Variants in C5orf24 observed in about 807,000 individuals in gnomAD.
C5orf24 encodes the protein UPF0461 protein C5orf24.
Under a neutral mutation model 9.8 loss-of-function variants are expected in C5orf24, and 4 were observed. The observed-to-expected ratio is 0.41, with a 90% CI of 0.20 to 0.93. The LOEUF (loss-of-function observed/expected upper bound fraction) is 0.93, where lower values mean the gene tolerates loss of function less well. C5orf24 is among the 40% of genes least tolerant of loss of function. The pLI, the probability that C5orf24 is intolerant of heterozygous loss-of-function variation, is 0.33. For missense variants in C5orf24, 170 were observed against 236.9 expected (o/e 0.72, Z 1.85); for synonymous variants, 73 against 81.3 (o/e 0.90, Z 0.55).
In C5orf24 at chr5:134,852,527, G is replaced by A. The variant is rs117348779; in HGVS notation, c.-3-2371G>A. Among the ~76,000 whole-genome samples the A allele has an allele frequency of 2.7e-3, 408 of 152,202 alleles. 10 individuals are homozygous for A. The East Asian group carries it at 0.063, about 24-fold the overall frequency. On this transcript the variant is annotated intron_variant, in intron 1 of 1. Coordinates refer to ENST00000394976, the MANE Select transcript of C5orf24 (RefSeq NM_001135586.1). ...CTAAAGTAAGTTTACAGTGGTTTTC[G>A]CTAACCTTATTACCTGTTTGCAGCC...
chr5:134,852,053 G>A (rs962066402), intron 1 of C5orf24, among the ~76,000 whole-genome samples: 4 of 152,220 alleles, frequency 2.6e-5, no homozygotes, highest in Non-Finnish European at 5.9e-5. Context: ...CAATTCTCCT[G>A]CCTCAGCCTC....
At chr5:134,839,549 T>G in the C5orf24 span, among the ~76,000 whole-genome samples, 1 of 152,190 alleles carries the variant, frequency 6.6e-6, no homozygotes, top group African/African-American at 2.4e-5. Flanking sequence ...TTTTTTCAGT[T>G]TGGCCTGCTT....
chr5:134,847,411 T>G (rs1756025970), intron 1 of C5orf24, among the ~76,000 whole-genome samples: 1 of 151,996 alleles, frequency 6.6e-6, no homozygotes, highest in African/African-American at 2.4e-5. Context: ...TTCTCCTGCC[T>G]CAGCCTCCCA....
At chr5:134,850,901 T>G (rs1756138079) in intron 1 of C5orf24, among the ~76,000 whole-genome samples, 1 of 150,340 alleles carries the variant, frequency 6.7e-6, no homozygotes, top group Non-Finnish European at 1.5e-5. Context: ...CTGAGTTCTC[T>G]GATAGATTAT....
intron 1 of C5orf24, among the ~76,000 whole-genome samples, chr5:134,848,248 T>C (rs1756050576): frequency 6.6e-6 from 1 of 151,974 alleles, no homozygotes; most frequent in Non-Finnish European, 1.5e-5. Flanking sequence ...GAGGCGTAGC[T>C]TGCAGTGAGC....
rs914829158 is a variant in C5orf24 at position 134,856,630 on chromosome 5, G to A, written c.*1163G>A. 7 of 744,088 alleles carry A rather than the reference G, an allele frequency of 9.4e-6. No individual in the cohort carries two copies. The East Asian group carries it at 9.3e-4, about 98-fold the overall frequency. The allele number at this position is 744,088 out of a possible 1,614,324, so 46.1% of individuals were successfully genotyped here. Reference sequence around the variant, plus strand: ...CACTCCAGCCTGGGTGACAGAGTAAGACTCCGTCTCAAATAAATAAATAAA... The same window carrying A: ...CACTCCAGCCTGGGTGACAGAGTAAAACTCCGTCTCAAATAAATAAATAAA... On this transcript the variant is annotated 3_prime_UTR_variant, in exon 2 of 2. Transcript: ENST00000394976.
intron 1 of C5orf24, among the ~76,000 whole-genome samples, chr5:134,850,482 T>G (rs576720727): frequency 5.8e-4 from 87 of 149,450 alleles, no homozygotes; most frequent in African/African-American, 2.0e-3. Context: ...AAGTGTTTTT[T>G]TTTTTTTGAG....
Position 134,857,338 on chromosome 5 carries a change from T to C in C5orf24, c.*1871T>C. 1 of 1,546,228 alleles carries C rather than the reference T, an allele frequency of 6.5e-7. No homozygotes were observed. Among genetic ancestry groups the C allele is most frequent in the Non-Finnish European group, 8.7e-7 (1 of 1,143,992 alleles). ...CTCTGATTGCAAATGGATGTCATGT[T>C]TCATACCTTTTTTATCAGGAAAAAA... is the stretch of plus-strand genomic sequence containing the variant. On this transcript the variant is annotated 3_prime_UTR_variant, in exon 2 of 2. Coordinates refer to ENST00000394976, the MANE Select transcript of C5orf24 (RefSeq NM_001135586.1).
At chr5:134,836,891 G>C in the C5orf24 span, among the ~76,000 whole-genome samples, 1 of 152,032 alleles carries the variant, frequency 6.6e-6, no homozygotes, top group African/African-American at 2.4e-5. Flanking sequence ...TTACTGTATT[G>C]GTATAACAGT....
At chr5:134,839,212 A>C in the C5orf24 span, among the ~76,000 whole-genome samples, 1 of 151,982 alleles carries the variant, frequency 6.6e-6, no homozygotes, top group African/African-American at 2.4e-5. Context: ...AAAAAAAAAA[A>C]AAACCCAATC....
rs963897562 is a variant in C5orf24 at position 134,855,566 on chromosome 5, T to C, written c.*99T>C. ...ATATACATAATTTTATGGCCTGGGCTTTCCAAATTTGTTTTCCTGTTTGGT... is the reference window on the plus strand; with the variant it reads ...ATATACATAATTTTATGGCCTGGGCCTTCCAAATTTGTTTTCCTGTTTGGT... On this transcript the variant is annotated 3_prime_UTR_variant, in exon 2 of 2. Coordinates refer to ENST00000394976, the MANE Select transcript of C5orf24 (RefSeq NM_001135586.1). 7.9e-6 allele frequency: 12 copies of C among 1,515,014 alleles called. No homozygotes were observed. In the East Asian group the frequency reaches 2.4e-4, roughly 31 times the overall value. The allele number at this position is 1,515,014 out of a possible 1,614,324, so 93.8% of individuals were successfully genotyped here.
In C5orf24 at chr5:134,857,418, T is replaced by C. The variant is rs1464528931; in HGVS notation, c.*1951T>C. On this transcript the variant is annotated 3_prime_UTR_variant, in exon 2 of 2. Coordinates refer to ENST00000394976, the MANE Select transcript of C5orf24 (RefSeq NM_001135586.1). Reference sequence around the variant, plus strand: ...CCTGACACAATTGAGCTGGACTTTATGCTGCTCTTTACAGTAAGAGGTGTT... The same window carrying C: ...CCTGACACAATTGAGCTGGACTTTACGCTGCTCTTTACAGTAAGAGGTGTT... The C allele has an allele frequency of 1.9e-6, 3 of 1,546,610 alleles. No individual in the cohort carries two copies. Among genetic ancestry groups the C allele is most frequent in the Non-Finnish European group, 2.6e-6 (3 of 1,144,376 alleles).
At chr5:134,839,194 C>G in the C5orf24 span, among the ~76,000 whole-genome samples, 1 of 148,302 alleles carries the variant, frequency 6.7e-6, no homozygotes, top group African/African-American at 2.5e-5. Flanking sequence ...GAGCAAGACC[C>G]TGTCTCAAAA....
Position 134,855,301 on chromosome 5 carries a change from A to G in C5orf24, c.401A>G (p.Tyr134Cys), listed in dbSNP as rs775285368. 2 of 1,614,172 alleles carry G rather than the reference A, an allele frequency of 1.2e-6. No homozygotes were observed. The highest frequency in any genetic ancestry group is 1.7e-5 in the Admixed American group (1 of 60,014). ...TTGGGGACAACTAAAGCTGCGGGATACAAAGTCAGCCCAGGCAGACCTCCA... is the reference window on the plus strand; with the variant it reads ...TTGGGGACAACTAAAGCTGCGGGATGCAAAGTCAGCCCAGGCAGACCTCCA... ...RPLGTTKAAG[Y>C]KVSPGRPPGS... The change falls in exon 2 of 2, where the codon TAC becomes TGC. Residue 134 changes from tyrosine (Y) to cysteine (C), a missense_variant. Around this residue, in one of 3 missense-constraint regions of C5orf24, gnomAD observed 21 missense variants for 72.2 expected, o/e 0.29. Coordinates refer to ENST00000394976, the MANE Select transcript of C5orf24 (RefSeq NM_001135586.1).
chr5:134,850,476 GTT>G (rs199936351), intron 1 of C5orf24, among the ~76,000 whole-genome samples: 2 of 129,482 alleles, frequency 1.5e-5, no homozygotes, highest in Non-Finnish European at 1.7e-5. Flanking sequence ...AATTGCAAGT[GTT>G]TTTTTTTTTT....
chr5:134,854,823 T>C, intron 1 of C5orf24, 75 bp from the exon 2 acceptor site: 1 of 1,507,006 alleles, frequency 6.6e-7, no homozygotes, highest in Non-Finnish European at 9.0e-7. Flanking sequence ...ACAGACTGTT[T>C]TCTCACTGAA....
intron 1 of C5orf24, among the ~76,000 whole-genome samples, chr5:134,851,472 G>T (rs1004658279): frequency 6.8e-6 from 1 of 146,280 alleles, no homozygotes; most frequent in Non-Finnish European, 1.5e-5. Context: ...AATGTCTGGA[G>T]AAATTTTTCA....
At chr5:134,838,931 A>G in the C5orf24 span, among the ~76,000 whole-genome samples, 1 of 152,028 alleles carries the variant, frequency 6.6e-6, no homozygotes, top group Non-Finnish European at 1.5e-5. Context: ...CAATCTGGCC[A>G]GGTACAGTGG....
intron 1 of C5orf24, among the ~76,000 whole-genome samples, chr5:134,848,289 C>G (rs1451421185): frequency 6.6e-6 from 1 of 151,640 alleles, no homozygotes; most frequent in African/African-American, 2.4e-5. Context: ...CCAGCCTGGG[C>G]GACAGAGCAA....
Sources: gnomAD v4.1 joint callset for allele counts (sites outside exome capture counted in the v4.1 genomes callset) on GRCh38, gnomAD v4.1.1 for gene constraint, gnomAD v4.1.1 regional missense constraint, MANE v1.5 for transcripts, NCBI Gene and HGNC (gene_info 2026-07-23, HGNC 2026-07-21) for gene names.